The following MAPRE2 variants were observed in gnomAD, a reference collection of about 807,000 sequenced individuals.
MAPRE2 encodes microtubule-associated protein RP/EB family member 2.
In MAPRE2, 13 loss-of-function variants were observed where a neutral mutation model predicts 43.2. That is an observed-to-expected ratio of 0.30 (90% confidence interval 0.20 to 0.48). MAPRE2 has a LOEUF of 0.48. Among genes scored for constraint, MAPRE2 ranks in the 20% least tolerant of loss-of-function variants. The pLI is 0.99. For missense variants in MAPRE2, 161 were observed against 400.2 expected (o/e 0.40, Z 5.10); for synonymous variants, 135 against 148.8 (o/e 0.91, Z 0.68).
At chr18:35,117,113 C>A (rs1909446413) in intron 4 of MAPRE2, among the ~76,000 whole-genome samples, 1 of 152,126 alleles carries the variant, frequency 6.6e-6, no homozygotes, top group South Asian at 2.1e-4. Context: ...ATGATACAGT[C>A]AGCAAAATTG....
intron 1 of MAPRE2, among the ~76,000 whole-genome samples, chr18:34,983,588 G>T (rs757966556): frequency 6.6e-6 from 1 of 152,088 alleles, no homozygotes; most frequent in Non-Finnish European, 1.5e-5. Context: ...GAAACTTGCT[G>T]TTTTTGGAAA....
intron 2 of MAPRE2, among the ~76,000 whole-genome samples, chr18:35,013,881 G>T (rs562138020): frequency 8.7e-4 from 132 of 152,156 alleles, no homozygotes; most frequent in Middle Eastern, 3.4e-3. Context: ...GGCATTGTGT[G>T]TATATACTAC....
chr18:35,134,247 T>G (rs1910289305), intron 6 of MAPRE2, among the ~76,000 whole-genome samples: 1 of 152,210 alleles, frequency 6.6e-6, no homozygotes, highest in Non-Finnish European at 1.5e-5. Context: ...CAGAATAATT[T>G]CCATTTGAAC....
At chr18:34,977,282 T>G (rs2097013694) in intron 1 of MAPRE2, among the ~76,000 whole-genome samples, 1 of 152,046 alleles carries the variant, frequency 6.6e-6, no homozygotes, top group Non-Finnish European at 1.5e-5. Flanking sequence ...TCTCCGGGTG[T>G]GCACCCCGCC....
intron 1 of MAPRE2, among the ~76,000 whole-genome samples, chr18:35,067,890 CTAAAG>C (rs1229884250): frequency 6.6e-6 from 1 of 152,050 alleles, no homozygotes; most frequent in East Asian, 1.9e-4. Flanking sequence ...AAATGATAGA[CTAAAG>C]AAAACAGTGG....
chr18:34,978,863 A>G (rs1250502968), intron 1 of MAPRE2, among the ~76,000 whole-genome samples: 1 of 152,180 alleles, frequency 6.6e-6, no homozygotes, highest in African/African-American at 2.4e-5. Context: ...GGGAGCTTTG[A>G]GAACTCCTGA....
At chr18:35,099,599 A>T (rs2144174127) in intron 3 of MAPRE2, among the ~76,000 whole-genome samples, 1 of 152,340 alleles carries the variant, frequency 6.6e-6, no homozygotes, top group African/African-American at 2.4e-5. Context: ...TGGGCAACAG[A>T]GTGAGACTCT....
At chr18:35,006,525 T>G (rs1603389254) in intron 2 of MAPRE2, among the ~76,000 whole-genome samples, 1 of 152,244 alleles carries the variant, frequency 6.6e-6, no homozygotes, top group Non-Finnish European at 1.5e-5. Flanking sequence ...ATGCTATGAC[T>G]GGTGGTCACT....
At chr18:34,997,224 A>C (rs1407124841) in intron 1 of MAPRE2, among the ~76,000 whole-genome samples, 1 of 152,214 alleles carries the variant, frequency 6.6e-6, no homozygotes, top group East Asian at 1.9e-4. Context: ...AGGGGAATGA[A>C]AATTGGATAT....
chr18:34,985,225 ATAT>A (rs1375346818), intron 1 of MAPRE2, among the ~76,000 whole-genome samples: 5 of 66,120 alleles, frequency 7.6e-5, no homozygotes, highest in Non-Finnish European at 1.0e-4. Context: ...AAAATATATA[ATAT>A]TATATATTAT....
At chr18:35,021,034 A>G (rs1190418368) in intron 2 of MAPRE2, among the ~76,000 whole-genome samples, 2 of 152,156 alleles carry the variant, frequency 1.3e-5, no homozygotes, top group Non-Finnish European at 2.9e-5. Context: ...TGCCTGTGTA[A>G]AATGGTAGAT....
chr18:35,097,394 C>T (rs1908478645), intron 2 of MAPRE2, 52 bp from the exon 3 acceptor site: 1 of 1,567,188 alleles, frequency 6.4e-7, no homozygotes, highest in Non-Finnish European at 8.7e-7. Context: ...AGTCCTCTAC[C>T]ACATCTGGGT....
chr18:35,061,859 G>A (rs553060501), intron 1 of MAPRE2, among the ~76,000 whole-genome samples: 8 of 152,240 alleles, frequency 5.3e-5, no homozygotes, highest in African/African-American at 1.9e-4. Context: ...CCACATTGCA[G>A]GTCACAAATA....
At chr18:34,994,576 A>G (rs7236052) in intron 1 of MAPRE2, among the ~76,000 whole-genome samples, 53,048 of 151,920 alleles carry the variant, frequency 0.35, 9,383 homozygotes, top group Middle Eastern at 0.4. Flanking sequence ...CCGCATCCAC[A>G]TGATCCCTGA....
At chr18:35,124,275 T>TA (rs1909812405) in intron 4 of MAPRE2, among the ~76,000 whole-genome samples, 1 of 152,004 alleles carries the variant, frequency 6.6e-6, no homozygotes. Context: ...AAAAGCCCCT[T>TA]AAAAAACCGT....
intron 2 of MAPRE2, among the ~76,000 whole-genome samples, chr18:35,013,895 T>C (rs1163508913): frequency 6.6e-6 from 1 of 152,188 alleles, no homozygotes; most frequent in East Asian, 1.9e-4. Flanking sequence ...ATACTACATT[T>C]TCTTTATTCA....
intron 1 of MAPRE2, among the ~76,000 whole-genome samples, chr18:35,002,367 G>A (rs963709858): frequency 3.3e-5 from 5 of 152,162 alleles, no homozygotes; most frequent in African/African-American, 1.2e-4. Flanking sequence ...GTGGTTTCCA[G>A]TTTGGGGCTA....
At chr18:35,011,889 A>G (rs1213637897) in intron 2 of MAPRE2, among the ~76,000 whole-genome samples, 1 of 151,530 alleles carries the variant, frequency 6.6e-6, no homozygotes. Context: ...AGAGAAGTAA[A>G]GAAAGGGGGA....
At chr18:35,071,542 G>GA (rs1907118059) in intron 2 of MAPRE2, among the ~76,000 whole-genome samples, 1 of 152,154 alleles carries the variant, frequency 6.6e-6, no homozygotes, top group Non-Finnish European at 1.5e-5. Flanking sequence ...GCTTCAACAT[G>GA]AAAATGGTAT....
Sources: allele counts gnomAD v4.1 joint callset (sites outside exome capture counted in the v4.1 genomes callset), GRCh38; gene constraint gnomAD v4.1.1; transcripts MANE v1.5; gene names NCBI Gene and HGNC (gene_info 2026-07-23, HGNC 2026-07-21).